Variants in SH2D1A observed in about 807,000 individuals in gnomAD.
SH2D1A encodes SH2 domain-containing protein 1A.
Under a neutral mutation model 10.1 loss-of-function variants are expected in SH2D1A, and 6 were observed. The ratio of observed to expected loss-of-function variants is 0.60; its 90% confidence interval spans 0.33 to 1.18. The LOEUF (loss-of-function observed/expected upper bound fraction) is 1.18. SH2D1A is among the 50% of genes most tolerant of loss of function. The probability of loss-of-function intolerance (pLI) is 0.04; values close to 1 mark genes in which losing one functional copy is unlikely to be tolerated. For synonymous variants in SH2D1A, 42 were observed against 36.9 expected, an observed-to-expected ratio of 1.14 and a Z score of -0.51; for missense variants, 51 against 97.6, an observed-to-expected ratio of 0.52 and a Z score of 2.01.
chrX:124,349,170 A>G (rs946210106), intron 1 of SH2D1A, among the ~76,000 whole-genome samples: 1 of 112,242 alleles, frequency 8.9e-6, no homozygotes, highest in Non-Finnish European at 1.9e-5. Context: ...GGAAAATACT[A>G]GACAAATTGG....
chrX:124,364,482 C>T (rs2060048858), intron 1 of SH2D1A: 1 of 239,134 alleles, frequency 4.2e-6, no homozygotes, highest in Admixed American at 5.9e-5. Context: ...AGAGTTGAAG[C>T]TAAGATTAAT....
At position 124,363,916 on chromosome X, in the gene SH2D1A, A is replaced by AAAAAAAAAAAAAAG. The variant is rs1569527532; in HGVS notation, c.138-1845_138-1844insAAAAAAAAAAAAAG. On this transcript the variant is annotated intron_variant, in intron 1 of 3. Transcript: ENST00000371139. ...AAAAAAAAAAAAAAAAAAAAAAAAA[A>AAAAAAAAAAAAAAG]GAAAGAAAAAGAAAAAGAAAAAAAT... Among the ~76,000 whole-genome samples the AAAAAAAAAAAAAAG allele has an allele frequency of 2.4e-5, 2 of 85,084 alleles. 1 individual carries two copies. 73.9% of individuals were successfully genotyped at this position (85,084 alleles called of 115,157 possible). A position where few individuals can be genotyped will look rare whatever the true frequency, so the allele number is the denominator to read the frequency against.
At chrX:124,351,018 ATAT>A (rs1206048712) in intron 1 of SH2D1A, among the ~76,000 whole-genome samples, 6 of 88,923 alleles carry the variant, frequency 6.7e-5, no homozygotes, top group African/African-American at 2.1e-4. Flanking sequence ...ATATTTTTAT[ATAT>A]TATTATAAAT....
At chrX:124,366,333 A>C (rs1329792090) in intron 2 of SH2D1A, among the ~76,000 whole-genome samples, 1 of 111,229 alleles carries the variant, frequency 9.0e-6, no homozygotes, top group African/African-American at 3.3e-5. Flanking sequence ...TGATAGGTCT[A>C]TGATCTTGGG....
intron 2 of SH2D1A, among the ~76,000 whole-genome samples, chrX:124,368,536 T>A (rs1308705697): frequency 8.9e-6 from 1 of 112,336 alleles, no homozygotes; most frequent in South Asian, 3.7e-4. Flanking sequence ...TAGTTTTTCT[T>A]CTGTTTGATG....
chrX:124,361,576 T>C (rs1319300826), intron 1 of SH2D1A, among the ~76,000 whole-genome samples: 4 of 111,977 alleles, frequency 3.6e-5, no homozygotes, highest in Non-Finnish European at 7.5e-5. Flanking sequence ...GTGAACAGAA[T>C]GTTGGTAGAA....
In SH2D1A at chrX:124,350,203, T is replaced by G. The variant is rs1379748766; in HGVS notation, c.137+3424T>G. ...ATATATATAATATATAAATATATAATATAAAATATATAATATATAAATATA... is the reference window on the plus strand; with the variant it reads ...ATATATATAATATATAAATATATAAGATAAAATATATAATATATAAATATA... On this transcript the variant is annotated intron_variant, in intron 1 of 3. Coordinates refer to ENST00000371139, the MANE Select transcript of SH2D1A (RefSeq NM_002351.5). Among the ~76,000 whole-genome samples, 3 of 58,294 alleles carry G rather than the reference T, an allele frequency of 5.1e-5. No homozygotes were observed. The East Asian group carries it at 1.4e-3, about 27-fold the overall frequency. 50.6% of individuals were successfully genotyped at this position (58,294 alleles called of 115,157 possible). A position where few individuals can be genotyped will look rare whatever the true frequency, so the allele number is the denominator to read the frequency against.
intron 1 of SH2D1A, among the ~76,000 whole-genome samples, chrX:124,363,794 T>C (rs2060046030): frequency 9.9e-6 from 1 of 100,644 alleles, no homozygotes; most frequent in Admixed American, 1.2e-4. Context: ...CTCGGGAGGC[T>C]GAAACAGAAT....
At chrX:124,368,940 G>A (rs891907535) in intron 2 of SH2D1A, among the ~76,000 whole-genome samples, 1 of 111,588 alleles carries the variant, frequency 9.0e-6, no homozygotes, top group Admixed American at 9.5e-5. Flanking sequence ...GGAAGGTGGA[G>A]GGTAGGTGAG....
chrX:124,347,826 A>C lies in SH2D1A; in HGVS notation c.137+1047A>C, dbSNP rs369002651. ...CTTCTCTTTTCAGTTGATTTCTTTT[A>C]GGAATCATGGGGGCATTTCTAAGGA... On this transcript the variant is annotated intron_variant, in intron 1 of 3. Transcript: ENST00000371139. Among the ~76,000 whole-genome samples, 37 of 111,074 alleles carry C rather than the reference A, an allele frequency of 3.3e-4. 1 individual carries two copies. The South Asian group carries it at 0.014, about 43-fold the overall frequency.
intron 2 of SH2D1A, among the ~76,000 whole-genome samples, chrX:124,369,871 C>A (rs949979690): frequency 4.1e-4 from 45 of 110,487 alleles, no homozygotes; most frequent in Admixed American, 1.9e-4. Flanking sequence ...GCCTGTATAC[C>A]CTTAGAGGTT....
rs1474669942 is a variant in SH2D1A, at chrX:124,350,282, TTATATAA to T, written c.137+3518_137+3524del. On this transcript the variant is annotated intron_variant, in intron 1 of 3. Coordinates refer to ENST00000371139, the MANE Select transcript of SH2D1A (RefSeq NM_002351.5). The stretch of plus-strand genomic sequence containing the variant: ...ATATAAATATATATTATATATAATA[TTATATAA>T]TATATAATATATAAATATATATTAT... Among the ~76,000 whole-genome samples the T allele has an allele frequency of 1.3e-3, 36 of 27,540 alleles. 2 individuals are homozygous for T. The highest frequency in any genetic ancestry group is 8.6e-3 in the African/African-American group (33 of 3,826). The allele number at this position is 27,540 out of a possible 115,157, so 23.9% of individuals were successfully genotyped here.
chrX:124,354,233 T>C (rs147582666), intron 1 of SH2D1A, among the ~76,000 whole-genome samples: 4 of 111,508 alleles, frequency 3.6e-5, no homozygotes, highest in East Asian at 5.6e-4. Context: ...CTGACTCTGG[T>C]TGACAATGTA....
intron 1 of SH2D1A, among the ~76,000 whole-genome samples, chrX:124,359,091 G>T (rs1376414520): frequency 1.8e-5 from 2 of 111,398 alleles, no homozygotes; most frequent in Non-Finnish European, 3.8e-5. Flanking sequence ...GGGGTTGTGG[G>T]GAGAAGGAAA....
chrX:124,348,077 A>G (rs761773678), intron 1 of SH2D1A, among the ~76,000 whole-genome samples: 6 of 112,012 alleles, frequency 5.4e-5, no homozygotes, highest in Admixed American at 9.5e-5. Flanking sequence ...TTGTTTTTTA[A>G]AAACGGTCAA....
intron 1 of SH2D1A, among the ~76,000 whole-genome samples, chrX:124,351,453 A>G (rs1486092658): frequency 9.1e-6 from 1 of 110,430 alleles, no homozygotes; most frequent in African/African-American, 3.3e-5. Flanking sequence ...CAGAAAACAT[A>G]AACAGCTTAG....
In SH2D1A at chrX:124,365,839, A is replaced by AT; in HGVS notation, c.201+20dup. Reference sequence around the variant, plus strand: ...GGAGTGCTGAGGTATAGTTGTATTTATTTTTGCTTCTGGGGGTGTCAAGGA... The same window carrying AT: ...GGAGTGCTGAGGTATAGTTGTATTTATTTTTTGCTTCTGGGGGTGTCAAGGA... On this transcript the variant is annotated intron_variant, in intron 2 of 3. Coordinates refer to ENST00000371139, the MANE Select transcript of SH2D1A (RefSeq NM_002351.5). 8 of 1,087,387 alleles carry AT rather than the reference A, an allele frequency of 7.4e-6. No individual in the cohort carries two copies. The highest frequency in any genetic ancestry group is 2.2e-5 in the Admixed American group (1 of 45,517). The allele number at this position is 1,087,387 out of a possible 1,213,427, so 89.6% of individuals were successfully genotyped here. A position where few individuals can be genotyped will look rare whatever the true frequency, so the allele number is the denominator to read the frequency against.
rs745579489 is a variant in SH2D1A, at chrX:124,371,081, T to TTATGCCTG, written c.347-270_347-269insTATGCCTG. Reference sequence around the variant, plus strand: ...CTAGGCTCAGGCATAAACTGACAATTAGACTCAAGTGGTGAATTAAATTAA... The same window carrying TTATGCCTG: ...CTAGGCTCAGGCATAAACTGACAATTTATGCCTGAGACTCAAGTGGTGAATTAAATTAA... On this transcript the variant is annotated intron_variant, in intron 3 of 3. Transcript: ENST00000371139. Among the ~76,000 whole-genome samples, 133 of 111,942 alleles carry TTATGCCTG rather than the reference T, an allele frequency of 1.2e-3. 1 individual carries two copies. In the East Asian group the frequency reaches 0.036, roughly 30 times the overall value.
At chrX:124,353,142 AT>A (rs2060019109) in intron 1 of SH2D1A, 6 of 148,324 alleles carry the variant, frequency 4.0e-5, no homozygotes, top group Admixed American at 7.1e-5. Context: ...TGTATCAAAA[AT>A]TTTTTTGAAA....
Sources: gnomAD v4.1 joint callset for allele counts (sites outside exome capture counted in the v4.1 genomes callset) on GRCh38, gnomAD v4.1.1 for gene constraint, MANE v1.5 for transcripts, NCBI Gene and HGNC (gene_info 2026-07-23, HGNC 2026-07-21) for gene names.